Variants in TERF2 observed in about 807,000 individuals in gnomAD.
TERF2 encodes the protein telomeric repeat-binding factor 2.
Under a neutral mutation model 56.1 loss-of-function variants are expected in TERF2, and 16 were observed. The observed-to-expected ratio is 0.29, with a 90% CI of 0.19 to 0.43. The LOEUF (loss-of-function observed/expected upper bound fraction) is 0.43. Ranked by LOEUF, TERF2 falls within the 20% of genes least tolerant of loss-of-function variation. The pLI, the probability that TERF2 is intolerant of heterozygous loss-of-function variation, is 1.00. For missense variants in TERF2, 547 were observed against 712.9 expected (o/e 0.77, Z 2.65); for synonymous variants, 296 against 282.1 (o/e 1.05, Z -0.50).
intron 3 of TERF2, among the ~76,000 whole-genome samples, chr16:69,375,950 T>C (rs778254382): frequency 6.6e-6 from 1 of 152,224 alleles, no homozygotes; most frequent in Non-Finnish European, 1.5e-5. Context: ...GCTCTTCATA[T>C]ACTCTAGATA....
At chr16:69,367,255 A>C in intron 6 of TERF2, 56 bp from the exon 7 acceptor site, 1 of 1,520,666 alleles carries the variant, frequency 6.6e-7, no homozygotes, top group South Asian at 1.3e-5. Context: ...TGCTCATCCA[A>C]ACAGCCACAA....
At chr16:69,367,776 T>A (rs530649932) in intron 6 of TERF2, among the ~76,000 whole-genome samples, 144 of 152,112 alleles carry the variant, frequency 9.5e-4, no homozygotes, top group Middle Eastern at 6.8e-3. Flanking sequence ...TGAAAAAAAA[T>A]TTTTTAAGTG....
rs1247479774 is a variant in TERF2 at position 69,385,607 on chromosome 16, C to T, written c.365G>A (p.Arg122Gln). The change falls in exon 1 of 10, where the codon CGG (arginine) becomes CAG (glutamine). Residue 122 changes from arginine (R) to glutamine (Q), a missense_variant. Arg to Gln is a conservative substitution (Grantham distance 43, BLOSUM62 1). Coordinates refer to ENST00000254942, the MANE Select transcript of TERF2 (RefSeq NM_005652.5). ...GSRYGDFRQI[R>Q]DIMQALLVRP... The stretch of plus-strand genomic sequence containing the variant: ...CCGGCCCTCACCCTGCATGATGTCC[C>T]GGATCTGTCTGAAGTCCCCGTACCG... 6.2e-7 allele frequency: 1 copy of T among 1,610,880 alleles called. No homozygotes were observed. The highest frequency in any genetic ancestry group is 1.7e-5 in the Admixed American group (1 of 59,870).
Position 69,368,443 on chromosome 16 carries a change from T to C in TERF2, c.880A>G (p.Ser294Gly). ...KALKSESAAS[S>G]TGKEDKQPAP... is the part of the protein sequence containing the mutation. ...GGCTGTTTATCTTCCTTCCCTGTAC[T>C]TGAGGCAGCGGACTCAGATTTCAAA... Residue 294 changes from serine to glycine, a missense_variant, in exon 6 of 10, where the codon AGT (serine) becomes GGT (glycine). This residue lies in a region of TERF2 where 211 missense variants were observed against 236.8 expected (regional missense o/e 0.89). Transcript: ENST00000254942. 6.2e-7 allele frequency: 1 copy of C among 1,614,156 alleles called. No homozygotes were observed. Among genetic ancestry groups the C allele is most frequent in the Non-Finnish European group, 8.5e-7 (1 of 1,180,020 alleles).
Position 69,385,862 on chromosome 16 carries a change from G to A in TERF2, c.110C>T (p.Ala37Val), listed in dbSNP as rs1330353768. 5 of 1,369,168 alleles carry A rather than the reference G, an allele frequency of 3.7e-6. No individual in the cohort carries two copies. Among genetic ancestry groups the A allele is most frequent in the Non-Finnish European group, 4.7e-6 (5 of 1,058,748 alleles). 84.8% of individuals were successfully genotyped at this position (1,369,168 alleles called of 1,614,324 possible). ...TCCCGCCATCGTGTCCGATCGCCGC[G>A]CGCCCTCCCCGCCCTCCCGGCCGGG... ...KRPGREGGEG[A>V]RRSDTMAGGG... The change falls in exon 1 of 10, where the codon GCG becomes GTG. Residue 37 changes from alanine to valine, a missense_variant. This residue lies in a region of TERF2 where 120 missense variants were observed against 172.4 expected (regional missense o/e 0.70). Coordinates refer to ENST00000254942, the MANE Select transcript of TERF2 (RefSeq NM_005652.5).
At chr16:69,372,971 C>T (rs747435206) in intron 3 of TERF2, among the ~76,000 whole-genome samples, 3 of 152,094 alleles carry the variant, frequency 2.0e-5, no homozygotes, top group Non-Finnish European at 4.4e-5. Context: ...AGTCATTCTA[C>T]GTCCTGTAAT....
At chr16:69,360,014 C>T (rs1041235044) in intron 8 of TERF2, among the ~76,000 whole-genome samples, 1 of 151,992 alleles carries the variant, frequency 6.6e-6, no homozygotes, top group African/African-American at 2.4e-5. Context: ...CCGCCTGCCT[C>T]GGCCTCCCAA....
chr16:69,376,122 GA>G (rs1171174055), intron 3 of TERF2, among the ~76,000 whole-genome samples: 4 of 152,006 alleles, frequency 2.6e-5, no homozygotes, highest in African/African-American at 9.7e-5. Flanking sequence ...TATTATCTAA[GA>G]TTTTTTTGCC....
At chr16:69,357,685 A>T in intron 8 of TERF2, 124 bp from the exon 9 acceptor site, 1 of 1,124,276 alleles carries the variant, frequency 8.9e-7, no homozygotes, top group Non-Finnish European at 1.3e-6. Context: ...TGAGAAGAGA[A>T]AGGATATCAC....
At chr16:69,384,053 C>T (rs987030897) in intron 3 of TERF2, among the ~76,000 whole-genome samples, 6 of 152,216 alleles carry the variant, frequency 3.9e-5, no homozygotes, top group Non-Finnish European at 7.3e-5. Flanking sequence ...AATTCAAGAA[C>T]ACTGCCTGTG....
chr16:69,384,803 G>T, intron 2 of TERF2, 93 bp from the exon 3 acceptor site: 1 of 1,176,540 alleles, frequency 8.5e-7, no homozygotes, highest in Non-Finnish European at 1.1e-6. Flanking sequence ...TGGAAATGGA[G>T]CATGCAAATA....
intron 5 of TERF2, among the ~76,000 whole-genome samples, chr16:69,368,989 C>A (rs751175402): frequency 6.6e-5 from 10 of 152,028 alleles, no homozygotes; most frequent in African/African-American, 1.2e-4. Context: ...AATGTTCATA[C>A]TAATATCTTC....
intron 8 of TERF2, among the ~76,000 whole-genome samples, chr16:69,361,196 C>T (rs1257380213): frequency 6.7e-6 from 1 of 149,974 alleles, no homozygotes; most frequent in Non-Finnish European, 1.5e-5. Context: ...TACACCACTG[C>T]ATTCTGGCCT....
chr16:69,371,832 A>G (rs1242517256), intron 4 of TERF2, among the ~76,000 whole-genome samples: 2 of 152,050 alleles, frequency 1.3e-5, no homozygotes, highest in Non-Finnish European at 2.9e-5. Flanking sequence ...ATAAATAAAC[A>G]AATGAATAAA....
intron 3 of TERF2, among the ~76,000 whole-genome samples, chr16:69,376,369 T>C (rs1365541120): frequency 6.6e-6 from 1 of 152,212 alleles, no homozygotes; most frequent in Non-Finnish European, 1.5e-5. Context: ...TTTGTGTGGG[T>C]CTGTTTTTAG....
chr16:69,367,208 C>T lies in TERF2; in HGVS notation c.948-9G>A. On this transcript the variant is annotated splice_polypyrimidine_tract_variant and intron_variant, in intron 6 of 9. Coordinates refer to ENST00000254942, the MANE Select transcript of TERF2 (RefSeq NM_005652.5). The stretch of plus-strand genomic sequence containing the variant: ...GAGGATTCCGTAGCTGCCTGCAAAT[C>T]AAGCATAGGCACAAAGATGTTTTTC... The T allele has an allele frequency of 6.3e-7, 1 of 1,590,910 alleles. No individual in the cohort carries two copies. Among genetic ancestry groups the T allele is most frequent in the Non-Finnish European group, 8.6e-7 (1 of 1,165,942 alleles).
In TERF2 at chr16:69,368,394, G is replaced by A. The variant is rs1207752735; in HGVS notation, c.929C>T (p.Pro310Leu). The change falls in exon 6 of 10, where the codon CCA (proline) becomes CTA (leucine). Residue 310 changes from proline to leucine, a missense_variant. Transcript: ENST00000254942. ...KQPAPGPVEK[P>L]PREPARQLRN... ...TTTTTACCTTGCGGGTTCTCTGGGT[G>A]GCTTTTCCACAGGCCCTGGTGCTGG... The A allele has an allele frequency of 1.9e-6, 3 of 1,613,984 alleles. No individual in the cohort carries two copies. Among genetic ancestry groups the A allele is most frequent in the Non-Finnish European group, 1.7e-6 (2 of 1,180,020 alleles).
intron 8 of TERF2, among the ~76,000 whole-genome samples, chr16:69,359,014 A>G (rs1465856360): frequency 1.3e-5 from 2 of 152,210 alleles, no homozygotes; most frequent in Non-Finnish European, 2.9e-5. Context: ...CTAAACAGAG[A>G]CAAAGTAATG....
intron 8 of TERF2, among the ~76,000 whole-genome samples, chr16:69,359,527 CA>C (rs71383990): frequency 0.36 from 37,446 of 103,390 alleles, 5,289 homozygotes; most frequent in Middle Eastern, 0.44. Context: ...GACTCTGTCT[CA>C]AAAAAAAAAA....
Sources: allele counts gnomAD v4.1 joint callset (sites outside exome capture counted in the v4.1 genomes callset), GRCh38; gene constraint gnomAD v4.1.1; regional missense constraint gnomAD v4.1.1; transcripts MANE v1.5; gene names NCBI Gene and HGNC (gene_info 2026-07-23, HGNC 2026-07-21).